Variants in KLF12 observed in about 807,000 individuals in gnomAD.
KLF12 encodes Krueppel-like factor 12.
In KLF12, 9 loss-of-function variants were observed where a neutral mutation model predicts 37.8. That is an observed-to-expected ratio of 0.24 (90% CI 0.14 to 0.42). KLF12 has a LOEUF of 0.42. KLF12 is among the 10% of genes least tolerant of loss of function. The pLI, the probability that KLF12 is intolerant of heterozygous loss-of-function variation, is 1.00. For missense variants in KLF12, 411 were observed against 516.0 expected, an observed-to-expected ratio of 0.80 and a Z score of 1.97; for synonymous variants, 208 against 202.1, an observed-to-expected ratio of 1.03 and a Z score of -0.25.
intron 3 of KLF12, among the ~76,000 whole-genome samples, chr13:73,919,526 T>TA (rs1491343196): frequency 3.9e-5 from 6 of 152,160 alleles, no homozygotes; most frequent in East Asian, 1.9e-4. Flanking sequence ...TAATTTTTTT[T>TA]AAAAAAAGGT....
the KLF12 span, among the ~76,000 whole-genome samples, chr13:74,277,428 C>T: frequency 2.0e-5 from 3 of 152,112 alleles, no homozygotes; most frequent in African/African-American, 4.8e-5. Flanking sequence ...CTGGTAGTCA[C>T]GGTATTCCCT....
At chr13:74,142,466 G>T in the KLF12 span, among the ~76,000 whole-genome samples, 1 of 152,138 alleles carries the variant, frequency 6.6e-6, no homozygotes, top group Admixed American at 6.5e-5. Flanking sequence ...ATTTTTGTTG[G>T]GGTCAGTTTT....
chr13:73,962,418 A>G (rs1891047190), intron 2 of KLF12, among the ~76,000 whole-genome samples: 1 of 152,230 alleles, frequency 6.6e-6, no homozygotes, highest in African/African-American at 2.4e-5. Context: ...ACACATCAAT[A>G]TGCACTTGTC....
the KLF12 span, among the ~76,000 whole-genome samples, chr13:74,201,768 C>T: frequency 1.3e-5 from 2 of 152,068 alleles, no homozygotes; most frequent in Non-Finnish European, 2.9e-5. Context: ...CTTTGCCAAG[C>T]AGGGCATTAA....
chr13:73,686,322 T>C lies in KLF12; in HGVS notation c.*9168A>G, dbSNP rs1317485833. On this transcript the variant is annotated 3_prime_UTR_variant, in exon 8 of 8. Coordinates refer to ENST00000377669, the MANE Select transcript of KLF12 (RefSeq NM_007249.5). ...CTGGAATAATCATCCTCTGAGAGAA[T>C]CTCATTAGGAGGGTCTCCCTTTACA... The C allele has an allele frequency of 6.6e-6, 1 of 152,636 alleles. No individual in the cohort carries two copies. Among genetic ancestry groups the C allele is most frequent in the Non-Finnish European group, 1.5e-5 (1 of 68,042 alleles). 9.5% of individuals were successfully genotyped at this position (152,636 alleles called of 1,614,324 possible).
chr13:74,204,889 C>A, the KLF12 span, among the ~76,000 whole-genome samples: 1 of 152,076 alleles, frequency 6.6e-6, no homozygotes, highest in Non-Finnish European at 1.5e-5. Flanking sequence ...AGTTTATTGC[C>A]ACTATTGCAA....
the KLF12 span, among the ~76,000 whole-genome samples, chr13:74,274,948 T>A: frequency 4.6e-5 from 7 of 152,200 alleles, no homozygotes; most frequent in African/African-American, 1.7e-4. Context: ...TAATCAGCAA[T>A]CTGTGAGTCT....
the KLF12 span, among the ~76,000 whole-genome samples, chr13:74,180,042 T>C: frequency 9.2e-5 from 14 of 152,186 alleles, no homozygotes; most frequent in Non-Finnish European, 1.6e-4. Flanking sequence ...ACGTCTTCAC[T>C]TATCATTTGT....
At chr13:73,907,223 G>A (rs1376287148) in intron 3 of KLF12, among the ~76,000 whole-genome samples, 4 of 152,122 alleles carry the variant, frequency 2.6e-5, no homozygotes, top group African/African-American at 9.7e-5. Context: ...ATTCATTGGA[G>A]CATATTAACC....
chr13:73,839,305 G>A (rs529126382), intron 4 of KLF12, among the ~76,000 whole-genome samples: 4 of 140,250 alleles, frequency 2.9e-5, no homozygotes, highest in Admixed American at 1.5e-4. Context: ...GTTTCACCAT[G>A]TTTCCCAGGC....
At chr13:74,090,717 T>G (rs1473569806) in intron 1 of KLF12, among the ~76,000 whole-genome samples, 1 of 152,120 alleles carries the variant, frequency 6.6e-6, no homozygotes, top group Admixed American at 6.6e-5. Flanking sequence ...TGTTGAGTTT[T>G]GAGAGTTCCT....
chr13:74,128,599 G>A (rs1194419140), intron 1 of KLF12, among the ~76,000 whole-genome samples: 1 of 152,188 alleles, frequency 6.6e-6, no homozygotes, highest in East Asian at 1.9e-4. Context: ...AGATATTTCT[G>A]CCACTGAAAT....
chr13:73,778,344 G>C (rs2138174464), intron 5 of KLF12, among the ~76,000 whole-genome samples: 1 of 152,184 alleles, frequency 6.6e-6, no homozygotes. Context: ...ACTGTGCTAA[G>C]AGTTTCTTTT....
At chr13:74,009,140 C>A (rs1379287247) in intron 1 of KLF12, among the ~76,000 whole-genome samples, 1 of 152,166 alleles carries the variant, frequency 6.6e-6, no homozygotes, top group Non-Finnish European at 1.5e-5. Context: ...CAATAAAGCA[C>A]TGCATTGTAA....
chr13:73,978,101 T>A (rs1410566367), intron 2 of KLF12, among the ~76,000 whole-genome samples: 2 of 152,090 alleles, frequency 1.3e-5, no homozygotes, highest in Non-Finnish European at 2.9e-5. Context: ...ACACAATCCA[T>A]GAAAGACATA....
At chr13:73,786,211 G>A (rs1195039868) in intron 5 of KLF12, among the ~76,000 whole-genome samples, 2 of 152,148 alleles carry the variant, frequency 1.3e-5, no homozygotes, top group Admixed American at 6.5e-5. Flanking sequence ...TGCTAGAAGC[G>A]TCCTCTGGCT....
chr13:74,195,471 G>C, the KLF12 span, among the ~76,000 whole-genome samples: 1 of 152,290 alleles, frequency 6.6e-6, no homozygotes, highest in South Asian at 2.1e-4. Flanking sequence ...GGGTCCTCAT[G>C]CTGTGAAGTC....
intron 1 of KLF12, among the ~76,000 whole-genome samples, chr13:74,007,684 T>C (rs1206482290): frequency 6.6e-6 from 1 of 152,204 alleles, no homozygotes; most frequent in Non-Finnish European, 1.5e-5. Flanking sequence ...AAAATTGTTA[T>C]TATTCGTGGA....
the KLF12 span, among the ~76,000 whole-genome samples, chr13:74,201,594 A>G: frequency 6.6e-6 from 1 of 152,122 alleles, no homozygotes; most frequent in Non-Finnish European, 1.5e-5. Flanking sequence ...TTTGAATATC[A>G]CTGGATCTAA....
Sources: gnomAD v4.1 joint callset for allele counts (sites outside exome capture counted in the v4.1 genomes callset) on GRCh38, gnomAD v4.1.1 for gene constraint, MANE v1.5 for transcripts, NCBI Gene and HGNC (gene_info 2026-07-23, HGNC 2026-07-21) for gene names.